LRRC63: variants seen among roughly 807,000 people sequenced by gnomAD.
LRRC63 encodes the protein leucine rich repeat containing 63.
Under a neutral mutation model 49.5 loss-of-function variants are expected in LRRC63, and 40 were observed. The ratio of observed to expected loss-of-function variants is 0.81; its 90% CI spans 0.63 to 1.05. The LOEUF (loss-of-function observed/expected upper bound fraction) is 1.05, where lower values mean the gene tolerates loss of function less well. Among genes scored for constraint, LRRC63 ranks in the 50% least tolerant of loss-of-function variants. The probability of loss-of-function intolerance (pLI) is 0.00; values close to 1 mark genes in which losing one functional copy is unlikely to be tolerated. For missense variants in LRRC63, 636 were observed against 663.1 expected, an observed-to-expected ratio of 0.96 and a Z score of 0.45; for synonymous variants, 191 against 221.1, an observed-to-expected ratio of 0.86 and a Z score of 1.21.
chr13:46,230,023 T>G (rs2046699390), intron 4 of LRRC63, among the ~76,000 whole-genome samples: 2 of 151,968 alleles, frequency 1.3e-5, no homozygotes. Context: ...AAGAACTCAC[T>G]ATCATGAGGG....
intron 8 of LRRC63, among the ~76,000 whole-genome samples, chr13:46,265,894 A>G (rs2047678125): frequency 6.6e-6 from 1 of 152,172 alleles, no homozygotes; most frequent in Admixed American, 6.5e-5. Flanking sequence ...TCCTAGCCTC[A>G]TTGTTTTCAA....
intron 5 of LRRC63, among the ~76,000 whole-genome samples, chr13:46,240,917 A>T (rs113334929): frequency 1.3e-3 from 192 of 152,354 alleles, no homozygotes; most frequent in African/African-American, 4.3e-3. Flanking sequence ...GACGAAAGCG[A>T]TTTATAGATT....
chr13:46,239,985 A>T (rs1173578434), intron 5 of LRRC63, among the ~76,000 whole-genome samples: 1 of 152,230 alleles, frequency 6.6e-6, no homozygotes, highest in Admixed American at 6.5e-5. Flanking sequence ...TAAACTAGGT[A>T]TTGAAGGAAC....
At chr13:46,264,180 C>T (rs556060024) in intron 8 of LRRC63, among the ~76,000 whole-genome samples, 2 of 152,264 alleles carry the variant, frequency 1.3e-5, no homozygotes, top group African/African-American at 4.8e-5. Flanking sequence ...TAATCTTTGA[C>T]CTTTCAGAAT....
At chr13:46,223,066 T>TG (rs909895197) in intron 2 of LRRC63, among the ~76,000 whole-genome samples, 1 of 60,228 alleles carries the variant, frequency 1.7e-5, no homozygotes, top group Admixed American at 2.6e-4. Flanking sequence ...TGTTGTGGGG[T>TG]GGGGGGAGGG....
At chr13:46,231,972 T>C (rs959575146) in intron 4 of LRRC63, among the ~76,000 whole-genome samples, 10 of 151,916 alleles carry the variant, frequency 6.6e-5, no homozygotes, top group Non-Finnish European at 1.5e-4. Flanking sequence ...CCCGCCACCA[T>C]GCCCAGCTAA....
At chr13:46,242,386 A>G (rs966909660) in intron 5 of LRRC63, among the ~76,000 whole-genome samples, 1 of 152,190 alleles carries the variant, frequency 6.6e-6, no homozygotes, top group Non-Finnish European at 1.5e-5. Context: ...TACTTGGGTG[A>G]TGAAATAATC....
rs752275050 is a variant in LRRC63 at position 46,276,533 on chromosome 13, C to T, written c.1551-57C>T. The stretch of plus-strand genomic sequence containing the variant: ...TTATACTATTTGGAGTCTTGCATAG[C>T]ACAGAGTCTTTAGTAAAAATTTATT... On this transcript the variant is annotated intron_variant, in intron 9 of 9. Transcript: ENST00000595396. 4 of 854,838 alleles carry T rather than the reference C, an allele frequency of 4.7e-6. No individual in the cohort carries two copies. The Admixed American group carries it at 1.7e-4, about 37-fold the overall frequency. The allele number at this position is 854,838 out of a possible 1,614,324, so 53.0% of individuals were successfully genotyped here. A position where few individuals can be genotyped will look rare whatever the true frequency, so the allele number is the denominator to read the frequency against.
At chr13:46,225,947 C>G (rs775605316) in intron 2 of LRRC63, among the ~76,000 whole-genome samples, 2 of 151,938 alleles carry the variant, frequency 1.3e-5, no homozygotes, top group Non-Finnish European at 2.9e-5. Flanking sequence ...GTTCTTCAAC[C>G]CTATTTTTTT....
At chr13:46,247,609 G>T (rs1486901580) in intron 6 of LRRC63, among the ~76,000 whole-genome samples, 2 of 152,124 alleles carry the variant, frequency 1.3e-5, no homozygotes, top group Non-Finnish European at 2.9e-5. Flanking sequence ...ATATTCCAAT[G>T]AAGATGGTAA....
intron 8 of LRRC63, among the ~76,000 whole-genome samples, chr13:46,265,101 A>G (rs560136154): frequency 6.6e-6 from 1 of 152,164 alleles, no homozygotes; most frequent in Non-Finnish European, 1.5e-5. Context: ...CAGAGCTTGC[A>G]GTGAGCCGAG....
At chr13:46,252,765 G>A (rs1566502941) in intron 7 of LRRC63, among the ~76,000 whole-genome samples, 1 of 151,918 alleles carries the variant, frequency 6.6e-6, no homozygotes, top group Admixed American at 6.6e-5. Flanking sequence ...AAGTTACAAC[G>A]TATATGAAAA....
intron 5 of LRRC63, among the ~76,000 whole-genome samples, chr13:46,235,882 C>G (rs1485211911): frequency 6.6e-6 from 1 of 151,780 alleles, no homozygotes; most frequent in African/African-American, 2.4e-5. Flanking sequence ...GGACAGAGAG[C>G]TAAAAAGAAT....
rs1049690097 is a variant in LRRC63, at chr13:46,270,083, AC to A, written c.1550+3113del. The A allele has an allele frequency of 1.0e-5, 6 of 601,904 alleles. No individual in the cohort carries two copies. In the African/African-American group the frequency reaches 1.1e-4, roughly 11 times the overall value. 37.3% of individuals were successfully genotyped at this position (601,904 alleles called of 1,614,324 possible). Reference sequence around the variant, plus strand: ...GGTGGCGCCTGAGGTCACCATGGCTACCGAGCGCCAAACCGCAGAGCCGGTG... The same window carrying A: ...GGTGGCGCCTGAGGTCACCATGGCTACGAGCGCCAAACCGCAGAGCCGGTG... On this transcript the variant is annotated intron_variant, in intron 9 of 9. Transcript: ENST00000595396.
exon 3 of LRRC63, chr13:46,228,125 T>G: frequency 6.4e-7 from 1 of 1,550,442 alleles, no homozygotes; most frequent in Non-Finnish European, 8.7e-7. Flanking sequence ...TTACTGAATT[T>G]CCAGGTTTTG....
At chr13:46,217,033 C>T (rs979802425) in intron 2 of LRRC63, among the ~76,000 whole-genome samples, 4 of 152,208 alleles carry the variant, frequency 2.6e-5, no homozygotes, top group Non-Finnish European at 5.9e-5. Context: ...AGGATTTTCA[C>T]ATCGATGTTC....
At chr13:46,223,908 C>A (rs2046491907) in intron 2 of LRRC63, among the ~76,000 whole-genome samples, 1 of 152,102 alleles carries the variant, frequency 6.6e-6, no homozygotes, top group African/African-American at 2.4e-5. Context: ...CCACAGAAAT[C>A]CAAATCCACT....
chr13:46,275,269 C>A (rs1344619850), intron 9 of LRRC63, among the ~76,000 whole-genome samples: 2 of 152,156 alleles, frequency 1.3e-5, no homozygotes, highest in Non-Finnish European at 2.9e-5. Flanking sequence ...GTGAATAGAG[C>A]TGCAATAAAT....
chr13:46,268,644 A>AAAAC (rs2047713654), intron 9 of LRRC63, among the ~76,000 whole-genome samples: 1 of 151,750 alleles, frequency 6.6e-6, no homozygotes, highest in Non-Finnish European at 1.5e-5. Context: ...AGAACAAGAG[A>AAAAC]AAACATGGTA....
Sources: gnomAD v4.1 joint callset for allele counts (sites outside exome capture counted in the v4.1 genomes callset) on GRCh38, gnomAD v4.1.1 for gene constraint, MANE v1.5 for transcripts, NCBI Gene and HGNC (gene_info 2026-07-23, HGNC 2026-07-21) for gene names.